Variants in DNAH14 observed in about 807,000 individuals in gnomAD.
DNAH14 encodes dynein axonemal heavy chain 14, also known as axonemal beta dynein heavy chain 14.
Under a neutral mutation model 520.9 loss-of-function variants are expected in DNAH14, and 478 were observed. The ratio of observed to expected loss-of-function variants is 0.92; its 90% CI spans 0.85 to 0.99. DNAH14 has a LOEUF of 0.99. DNAH14 is among the 50% of genes least tolerant of loss of function. The pLI is 0.00. For missense variants in DNAH14, 4,831 were observed against 5,234.5 expected, an observed-to-expected ratio of 0.92 and a Z score of 2.38; for synonymous variants, 1,581 against 1,757.2, an observed-to-expected ratio of 0.90 and a Z score of 2.51.
At position 225,152,744 on chromosome 1, in the gene DNAH14, G is replaced by A. The variant is rs530709450; in HGVS notation, c.5057G>A (p.Arg1686His). The A allele has an allele frequency of 7.3e-5, 113 of 1,550,982 alleles. 1 individual carries two copies. The highest frequency in any genetic ancestry group is 3.9e-4 in the Admixed American group (20 of 50,940). ...ELPDNLKSLF[R>H]PVAMMVPHYQ... ...CCAGATAACTTAAAATCTCTGTTTC[G>A]CCCAGTGGCAATGATGGTGCCCCAT... Residue 1686 changes from arginine (R) to histidine (H), a missense_variant, in exon 33 of 86, where the codon CGC (arginine) becomes CAC (histidine). Coordinates refer to ENST00000682510, the MANE Select transcript of DNAH14 (RefSeq NM_001367479.1).
intron 40 of DNAH14, 148 bp downstream of exon 40, chr1:225,206,327 C>A: frequency 1.4e-6 from 1 of 698,290 alleles, no homozygotes; most frequent in Non-Finnish European, 2.3e-6. Context: ...TTGTGTCTCC[C>A]AAAGCCTCAT....
At chr1:225,179,123 GA>G (rs1447291746) in intron 36 of DNAH14, among the ~76,000 whole-genome samples, 1 of 152,142 alleles carries the variant, frequency 6.6e-6, no homozygotes, top group Non-Finnish European at 1.5e-5. Flanking sequence ...TTAGCAGTGT[GA>G]AAACTGACTA....
At chr1:225,230,600 TGA>T (rs1488416455) in intron 41 of DNAH14, among the ~76,000 whole-genome samples, 4 of 151,904 alleles carry the variant, frequency 2.6e-5, no homozygotes, top group African/African-American at 9.7e-5. Context: ...GTAATGGGAG[TGA>T]GAGGGGGATG....
rs1160996175 is a variant in DNAH14, at chr1:225,275,946, C to T, written c.8043C>T (p.His2681=). The T allele has an allele frequency of 2.6e-6, 1 of 380,420 alleles. No individual in the cohort carries two copies. The highest frequency in any genetic ancestry group is 2.2e-5 in the South Asian group (1 of 46,024). 23.6% of individuals were successfully genotyped at this position (380,420 alleles called of 1,614,324 possible). The part of the protein sequence containing the change: ...IQWTQENLMN[H]STVFLDFLDI... ...GGACCCAAGAAAACCTGATGAATCA[C>T]TCAACTGTATTTTTGGACTTCTTGG... The change falls in exon 53 of 86, where the codon CAC becomes CAT. Residue 2681 remains histidine (H), a synonymous_variant. Coordinates refer to ENST00000682510, the MANE Select transcript of DNAH14 (RefSeq NM_001367479.1).
chr1:225,345,602 G>T (rs2095273886), intron 69 of DNAH14, among the ~76,000 whole-genome samples: 4 of 152,072 alleles, frequency 2.6e-5, no homozygotes, highest in Admixed American at 2.6e-4. Context: ...TGGCACACTT[G>T]TTATTTTTTG....
chr1:225,168,233 G>T (rs769199986), intron 36 of DNAH14, among the ~76,000 whole-genome samples: 1 of 152,196 alleles, frequency 6.6e-6, no homozygotes, highest in African/African-American at 2.4e-5. Context: ...AGCTCCCAGC[G>T]TGAGCGACGC....
intron 8 of DNAH14, among the ~76,000 whole-genome samples, chr1:224,979,543 T>G (rs908986547): frequency 6.6e-6 from 1 of 152,116 alleles, no homozygotes; most frequent in Non-Finnish European, 1.5e-5. Flanking sequence ...CTAAATAAAC[T>G]TGAAAGGCAG....
chr1:225,092,081 T>C (rs1317483430), intron 21 of DNAH14, among the ~76,000 whole-genome samples: 5 of 152,112 alleles, frequency 3.3e-5, no homozygotes. Flanking sequence ...AAGCAAGTTC[T>C]TAAAGACCTA....
intron 10 of DNAH14, among the ~76,000 whole-genome samples, chr1:225,008,483 C>A (rs115788714): frequency 0.055 from 8,376 of 151,942 alleles, 475 homozygotes; most frequent in East Asian, 0.24. Context: ...AGTTCTAGAT[C>A]CCTACTATCT....
At chr1:225,086,735 A>G (rs373971904) in intron 21 of DNAH14, among the ~76,000 whole-genome samples, 1 of 152,138 alleles carries the variant, frequency 6.6e-6, no homozygotes, top group East Asian at 1.9e-4. Context: ...GAACAGCAGA[A>G]AAACAGCAAA....
chr1:225,135,727 T>C (rs749871276), intron 27 of DNAH14, among the ~76,000 whole-genome samples: 4 of 152,214 alleles, frequency 2.6e-5, no homozygotes, highest in Non-Finnish European at 4.4e-5. Flanking sequence ...ATTTTCTGTC[T>C]CAGTGATCTG....
chr1:225,305,849 G>T (rs1043722151), intron 58 of DNAH14, among the ~76,000 whole-genome samples: 3 of 152,226 alleles, frequency 2.0e-5, no homozygotes, highest in African/African-American at 7.2e-5. Context: ...ATCAGATACT[G>T]TAACTAATTA....
intron 71 of DNAH14, among the ~76,000 whole-genome samples, chr1:225,349,676 G>T (rs1324513456): frequency 6.6e-6 from 1 of 152,050 alleles, no homozygotes; most frequent in Non-Finnish European, 1.5e-5. Context: ...AAGTAAACGT[G>T]AAATCAAAAC....
At chr1:224,930,003 C>A (rs1466445511) in intron 1 of DNAH14, among the ~76,000 whole-genome samples, 168 bp downstream of exon 1, 3 of 152,148 alleles carry the variant, frequency 2.0e-5, no homozygotes, top group African/African-American at 7.2e-5. Flanking sequence ...GGAACCCTCA[C>A]CAGGCAGATG....
chr1:225,017,966 A>G (rs2065349313), intron 10 of DNAH14, among the ~76,000 whole-genome samples: 1 of 152,240 alleles, frequency 6.6e-6, no homozygotes, highest in Non-Finnish European at 1.5e-5. Context: ...TTCACAGATC[A>G]GAAACAGACA....
chr1:225,238,532 T>C (rs889240241), intron 42 of DNAH14, among the ~76,000 whole-genome samples: 3 of 152,168 alleles, frequency 2.0e-5, no homozygotes, highest in African/African-American at 7.2e-5. Context: ...GTTTCCGGCC[T>C]GAACGCTCCT....
rs552272775 is a variant in DNAH14 at position 225,270,905 on chromosome 1, T to C, written c.7671+39T>C. Reference sequence around the variant, plus strand: ...TTCATTTTCTACTGAAAAAAATTAATTCCCTAGAATAAGGAAAAATACGAG... The same window carrying C: ...TTCATTTTCTACTGAAAAAAATTAACTCCCTAGAATAAGGAAAAATACGAG... On this transcript the variant is annotated intron_variant, in intron 50 of 85. Transcript: ENST00000682510. The C allele has an allele frequency of 3.3e-6, 5 of 1,521,150 alleles. No individual in the cohort carries two copies. In the Admixed American group the frequency reaches 6.1e-5, roughly 18 times the overall value. The allele number at this position is 1,521,150 out of a possible 1,614,324, so 94.2% of individuals were successfully genotyped here.
At chr1:225,267,178 A>G (rs1215665337) in intron 49 of DNAH14, among the ~76,000 whole-genome samples, 1 of 152,126 alleles carries the variant, frequency 6.6e-6, no homozygotes, top group Non-Finnish European at 1.5e-5. Flanking sequence ...CTACATCTTT[A>G]TCTTAAGATC....
intron 84 of DNAH14, among the ~76,000 whole-genome samples, chr1:225,394,842 T>TAAAAAAA (rs35980785): frequency 7.9e-6 from 1 of 126,662 alleles, no homozygotes; most frequent in Non-Finnish European, 1.7e-5. Flanking sequence ...AGACTCTGTC[T>TAAAAAAA]AAAAAAAAAA....
Sources: allele counts gnomAD v4.1 joint callset (sites outside exome capture counted in the v4.1 genomes callset), GRCh38; gene constraint gnomAD v4.1.1; transcripts MANE v1.5; gene names NCBI Gene and HGNC (gene_info 2026-07-23, HGNC 2026-07-21).